Variants in ZNF362 observed in about 807,000 individuals in gnomAD.
ZNF362 encodes zinc finger protein 362, also known as rotund homolog.
A neutral mutation model predicts 42.9 loss-of-function variants in ZNF362; 11 were observed. The observed-to-expected ratio is 0.26, with a 90% CI of 0.16 to 0.42. The LOEUF is 0.42. ZNF362 is among the 20% of genes least tolerant of loss of function. The probability of loss-of-function intolerance (pLI) is 1.00; values close to 1 mark genes in which losing one functional copy is unlikely to be tolerated. For synonymous variants in ZNF362, 255 were observed against 257.3 expected (o/e 0.99, Z 0.09); for missense variants, 362 against 576.2 (o/e 0.63, Z 3.81).
the ZNF362 span, among the ~76,000 whole-genome samples, chr1:33,182,600 TTGTG>T: frequency 0.62 from 90,404 of 146,930 alleles, 27,775 homozygotes; most frequent in Non-Finnish European, 0.67. Context: ...AGTGCTGTAT[TTGTG>T]TGTGTGTGTG....
At chr1:33,240,828 C>T in the ZNF362 span, among the ~76,000 whole-genome samples, 3 of 152,170 alleles carry the variant, frequency 2.0e-5, no homozygotes, top group Admixed American at 6.5e-5. Context: ...GATTACCTGG[C>T]GTTTTCCCCC....
the ZNF362 span, among the ~76,000 whole-genome samples, chr1:33,189,666 T>TAC: frequency 6.3e-5 from 2 of 31,804 alleles, no homozygotes; most frequent in African/African-American, 1.5e-4. Flanking sequence ...TATATATATA[T>TAC]ATATATGTAT....
the ZNF362 span, among the ~76,000 whole-genome samples, chr1:33,132,078 C>T: frequency 6.6e-6 from 1 of 152,188 alleles, no homozygotes. Context: ...TGACATCCCA[C>T]ATTCCAATTT....
chr1:33,147,565 C>T, the ZNF362 span: 1 of 1,613,976 alleles, frequency 6.2e-7, no homozygotes, highest in Non-Finnish European at 8.5e-7. The surrounding 1 kb of genome is among the most constrained non-coding windows in gnomAD (Gnocchi z 8.1). Flanking sequence ...GACGCCACTA[C>T]TGAAGGCTTC....
chr1:33,215,143 C>T, the ZNF362 span, among the ~76,000 whole-genome samples: 27,629 of 152,152 alleles, frequency 0.18, 2,784 homozygotes, highest in East Asian at 0.31. Flanking sequence ...TACATGTACA[C>T]AGTGGAATAT....
the ZNF362 span, among the ~76,000 whole-genome samples, chr1:33,240,459 GTATACA>G: frequency 1.3e-5 from 2 of 152,120 alleles, no homozygotes; most frequent in African/African-American, 4.8e-5. Context: ...TATATATTCA[GTATACA>G]TATACATATA....
the ZNF362 span, among the ~76,000 whole-genome samples, chr1:33,168,665 G>T: frequency 4.9e-4 from 75 of 152,334 alleles, no homozygotes; most frequent in Non-Finnish European, 9.4e-4. Flanking sequence ...CCTAACATTC[G>T]TGTGCAGCTT....
At chr1:33,270,699 C>G in intron 2 of ZNF362, 87 bp downstream of exon 2, 2 of 1,563,796 alleles carry the variant, frequency 1.3e-6, no homozygotes, top group South Asian at 1.2e-5. Context: ...CCCACCTTCC[C>G]TGAGTGCCCC....
At chr1:33,183,781 A>T in the ZNF362 span, among the ~76,000 whole-genome samples, 1 of 152,216 alleles carries the variant, frequency 6.6e-6, no homozygotes, top group Non-Finnish European at 1.5e-5. Flanking sequence ...TCTTGCTCCC[A>T]GTCTGAGGAT....
the ZNF362 span, chr1:33,146,678 T>A: frequency 1.2e-5 from 2 of 170,612 alleles, no homozygotes; most frequent in African/African-American, 4.8e-5. Flanking sequence ...CAGGCAACCC[T>A]AGGACCAGGT....
At chr1:33,172,242 G>C in the ZNF362 span, among the ~76,000 whole-genome samples, 5 of 152,306 alleles carry the variant, frequency 3.3e-5, no homozygotes, top group East Asian at 1.9e-4. Flanking sequence ...GACTCAGAAC[G>C]GGGGGAGCTT....
chr1:33,243,289 C>A, the ZNF362 span, among the ~76,000 whole-genome samples: 4 of 151,416 alleles, frequency 2.6e-5, no homozygotes, highest in African/African-American at 9.7e-5. Flanking sequence ...CCAGAGTAGC[C>A]GGGACCACAG....
At chr1:33,209,629 A>G in the ZNF362 span, among the ~76,000 whole-genome samples, 1 of 152,154 alleles carries the variant, frequency 6.6e-6, no homozygotes, top group African/African-American at 2.4e-5. Flanking sequence ...TGGAGATTCA[A>G]CTTCTTCCTG....
chr1:33,181,686 G>A, the ZNF362 span: 4 of 564,238 alleles, frequency 7.1e-6, no homozygotes, highest in South Asian at 4.4e-5. The surrounding 1 kb of genome is among the most constrained non-coding windows in gnomAD (Gnocchi z 6.5). Context: ...GGCGATGGGC[G>A]CTGGGAGGAG....
intron 1 of ZNF362, among the ~76,000 whole-genome samples, chr1:33,270,130 A>G (rs1645891185): frequency 6.6e-6 from 1 of 152,170 alleles, no homozygotes; most frequent in Admixed American, 6.5e-5. Flanking sequence ...TTCCCAGTCC[A>G]TTGGAAGTGG....
At chr1:33,257,301 A>G (rs1294649319) in intron 1 of ZNF362, among the ~76,000 whole-genome samples, 2 of 151,276 alleles carry the variant, frequency 1.3e-5, no homozygotes, top group Non-Finnish European at 3.0e-5. Context: ...GGTGAGACAC[A>G]ATGCAATTGC....
At chr1:33,212,179 C>G in the ZNF362 span, among the ~76,000 whole-genome samples, 22 of 152,250 alleles carry the variant, frequency 1.4e-4, no homozygotes, top group African/African-American at 5.3e-4. Flanking sequence ...TGCCTGCTTC[C>G]CCTTCACCTT....
chr1:33,267,580 T>A (rs926217354), intron 1 of ZNF362, among the ~76,000 whole-genome samples: 1 of 152,178 alleles, frequency 6.6e-6, no homozygotes, highest in Non-Finnish European at 1.5e-5. Flanking sequence ...AGGGCCTGAT[T>A]GTCTGGATTC....
At chr1:33,161,438 T>C in the ZNF362 span, among the ~76,000 whole-genome samples, 1 of 152,140 alleles carries the variant, frequency 6.6e-6, no homozygotes. The surrounding 1 kb of genome is among the most constrained non-coding windows in gnomAD (Gnocchi z 4.3). Context: ...GAAACCCCAC[T>C]GTGTTCAGTG....
Sources: allele counts gnomAD v4.1 joint callset (sites outside exome capture counted in the v4.1 genomes callset), GRCh38; gene constraint gnomAD v4.1.1; non-coding constraint Gnocchi (gnomAD v3.1); transcripts MANE v1.5; gene names NCBI Gene and HGNC (gene_info 2026-07-23, HGNC 2026-07-21).